The following DACH2 variants were observed in gnomAD, a reference collection of about 807,000 sequenced individuals.
DACH2 encodes dachshund homolog 2.
Under a neutral mutation model 35.8 loss-of-function variants are expected in DACH2, and 17 were observed. The ratio of observed to expected loss-of-function variants is 0.48; its 90% CI spans 0.33 to 0.71. The LOEUF (loss-of-function observed/expected upper bound fraction) is 0.71. Among genes scored for constraint, DACH2 ranks in the 30% least tolerant of loss-of-function variants. The pLI is 0.02. For missense variants in DACH2, 469 were observed against 472.7 expected (o/e 0.99, Z 0.07); for synonymous variants, 195 against 177.3 (o/e 1.10, Z -0.79).
rs2042620935 is a variant in DACH2 at position 86,832,311 on chromosome X, G to A, written c.*156G>A. ...ATGTTACATTAAAAAAGAAACGCGT[G>A]TACATTTTAAAAGCAATGATGTAAA... On this transcript the variant is annotated 3_prime_UTR_variant, in exon 12 of 12. Transcript: ENST00000373125. The A allele has an allele frequency of 2.2e-6, 1 of 453,727 alleles. No individual in the cohort carries two copies. Among genetic ancestry groups the A allele is most frequent in the Non-Finnish European group, 3.7e-6 (1 of 270,936 alleles). The allele number at this position is 453,727 out of a possible 1,213,427, so 37.4% of individuals were successfully genotyped here.
At position 86,725,584 on chromosome X, in the gene DACH2, C is replaced by T. The variant is rs141671241; in HGVS notation, c.1104+10864C>T. Among the ~76,000 whole-genome samples, 969 of 111,193 alleles carry T rather than the reference C, an allele frequency of 8.7e-3. 8 individuals are homozygous for T. Among genetic ancestry groups the T allele is most frequent in the African/African-American group, 0.03 (910 of 30,544 alleles). ...TGCCTGTTCTTAGTCCCCAGAGCAG[C>T]TTACATAGGCACCAGTGTTGATGAG... On this transcript the variant is annotated intron_variant, in intron 6 of 11. Transcript: ENST00000373125.
chrX:86,635,089 T>C (rs1306565708), intron 3 of DACH2, among the ~76,000 whole-genome samples: 1 of 111,240 alleles, frequency 9.0e-6, no homozygotes, highest in Non-Finnish European at 1.9e-5. Flanking sequence ...GGCTAATACC[T>C]TTGAGGAACA....
intron 3 of DACH2, among the ~76,000 whole-genome samples, chrX:86,609,201 T>A (rs1013652252): frequency 6.2e-5 from 7 of 112,152 alleles, no homozygotes; most frequent in African/African-American, 2.3e-4. Flanking sequence ...TATTTTCAAG[T>A]AGCCTGATGT....
chrX:86,684,135 G>A (rs2040915057), intron 4 of DACH2, among the ~76,000 whole-genome samples: 1 of 111,629 alleles, frequency 9.0e-6, no homozygotes, highest in Non-Finnish European at 1.9e-5. Context: ...CTTTCTGTGT[G>A]AGTAATAATT....
At chrX:86,234,198 C>G (rs1240437559) in intron 1 of DACH2, among the ~76,000 whole-genome samples, 2 of 111,986 alleles carry the variant, frequency 1.8e-5, no homozygotes, top group African/African-American at 6.5e-5. Flanking sequence ...ACATTGCCCC[C>G]TTTGAAACCC....
intron 1 of DACH2, chrX:86,160,927 C>G: frequency 2.8e-6 from 2 of 711,893 alleles, no homozygotes; most frequent in South Asian, 2.2e-5. Flanking sequence ...AAGGGCTTGT[C>G]AGTTGGACCA....
chrX:86,640,735 T>C (rs1212642777), intron 3 of DACH2, among the ~76,000 whole-genome samples: 2 of 110,759 alleles, frequency 1.8e-5, no homozygotes, highest in African/African-American at 3.3e-5. Context: ...GCTGCAACTG[T>C]GAGGAAACAT....
At chrX:86,181,893 G>T (rs2031506105) in intron 1 of DACH2, among the ~76,000 whole-genome samples, 1 of 111,882 alleles carries the variant, frequency 8.9e-6, no homozygotes, top group Admixed American at 9.4e-5. Flanking sequence ...GGTGTGAGAT[G>T]GTATCTCATT....
chrX:86,359,611 C>T (rs1212807426), intron 1 of DACH2, among the ~76,000 whole-genome samples: 1 of 110,867 alleles, frequency 9.0e-6, no homozygotes, highest in Non-Finnish European at 1.9e-5. Context: ...TAACTGCGTA[C>T]AGTGGTGCAC....
At chrX:86,667,009 GC>G (rs1569463279) in intron 4 of DACH2, among the ~76,000 whole-genome samples, 1 of 104,241 alleles carries the variant, frequency 9.6e-6, no homozygotes, top group African/African-American at 3.5e-5. Flanking sequence ...ACTTTGGGAG[GC>G]TGAGGCAGGT....
At chrX:86,306,530 T>C (rs753825317) in intron 1 of DACH2, among the ~76,000 whole-genome samples, 10 of 111,579 alleles carry the variant, frequency 9.0e-5, no homozygotes, top group Non-Finnish European at 1.9e-5. Flanking sequence ...GGAAGGCAAA[T>C]CCAGCCTTAA....
At chrX:86,644,152 T>A (rs1184524946) in intron 3 of DACH2, among the ~76,000 whole-genome samples, 2 of 111,114 alleles carry the variant, frequency 1.8e-5, no homozygotes, top group African/African-American at 6.5e-5. Flanking sequence ...GGCATCTGAA[T>A]AGGAAGAGAG....
chrX:86,342,607 G>C (rs551657050), intron 1 of DACH2, among the ~76,000 whole-genome samples: 1 of 109,610 alleles, frequency 9.1e-6, no homozygotes, highest in South Asian at 4.0e-4. Flanking sequence ...AAGAATTCGA[G>C]ACCAGCTTGG....
At chrX:86,623,376 G>A (rs115596958) in intron 3 of DACH2, among the ~76,000 whole-genome samples, 1,551 of 111,676 alleles carry the variant, frequency 0.014, 30 homozygotes, top group African/African-American at 0.048. Context: ...GGCAAAACAG[G>A]GATAAAAGCA....
At chrX:86,502,863 A>AT (rs199665434) in intron 2 of DACH2, among the ~76,000 whole-genome samples, 50 of 110,957 alleles carry the variant, frequency 4.5e-4, no homozygotes, top group Admixed American at 2.1e-3. Context: ...ACATTGTGAG[A>AT]TTTTTTTTTC....
chrX:86,779,231 G>A (rs1247575730), intron 7 of DACH2, among the ~76,000 whole-genome samples: 1 of 111,707 alleles, frequency 9.0e-6, no homozygotes, highest in Non-Finnish European at 1.9e-5. Context: ...TTTAAAATAA[G>A]GTGACCATAA....
At chrX:86,592,526 A>G (rs1446953177) in intron 3 of DACH2, among the ~76,000 whole-genome samples, 2 of 111,899 alleles carry the variant, frequency 1.8e-5, no homozygotes, top group African/African-American at 3.2e-5. Context: ...ATTTTCATAT[A>G]AACGTTAGAA....
chrX:86,252,314 C>T (rs184797883), intron 1 of DACH2, among the ~76,000 whole-genome samples: 12 of 111,128 alleles, frequency 1.1e-4, no homozygotes, highest in African/African-American at 3.3e-4. Context: ...CTGCTGACTG[C>T]TTCTTTTGCT....
rs190218043 is a variant in DACH2 at position 86,499,311 on chromosome X, G to A, written c.528-14968G>A. The stretch of plus-strand genomic sequence containing the variant: ...CTGAGACCCCTAAGGGATGAGAGTT[G>A]CTGTTAAGTTCCCATAACCCATTCC... On this transcript the variant is annotated intron_variant, in intron 2 of 11. Transcript: ENST00000373125. 2.8e-3 allele frequency among the ~76,000 whole-genome samples: 311 copies of A among 111,578 alleles called. 3 individuals carry two copies. Among genetic ancestry groups the A allele is most frequent in the African/African-American group, 9.8e-3 (300 of 30,704 alleles).
Sources: gnomAD v4.1 joint callset for allele counts (sites outside exome capture counted in the v4.1 genomes callset) on GRCh38, gnomAD v4.1.1 for gene constraint, MANE v1.5 for transcripts, NCBI Gene and HGNC (gene_info 2026-07-23, HGNC 2026-07-21) for gene names.